MAF: variants seen among roughly 807,000 people sequenced by gnomAD.
MAF encodes MAF bZIP transcription factor.
A neutral mutation model predicts 22.0 loss-of-function variants in MAF; 10 were observed. The observed-to-expected ratio is 0.45, with a 90% CI of 0.28 to 0.77. The LOEUF is 0.77. Among genes scored for constraint, MAF ranks in the 30% least tolerant of loss-of-function variants. The probability of loss-of-function intolerance (pLI) is 0.12; values close to 1 mark genes in which losing one functional copy is unlikely to be tolerated. For synonymous variants in MAF, 337 were observed against 255.8 expected, an observed-to-expected ratio of 1.32 and a Z score of -3.03; for missense variants, 544 against 548.4, an observed-to-expected ratio of 0.99 and a Z score of 0.08.
At chr16:79,301,297 T>A in the MAF span, among the ~76,000 whole-genome samples, 5 of 152,170 alleles carry the variant, frequency 3.3e-5, no homozygotes, top group African/African-American at 1.2e-4. Context: ...AGACCCTGGG[T>A]GAGGCCACTC....
the MAF span, among the ~76,000 whole-genome samples, chr16:79,450,204 G>A: frequency 4.7e-4 from 72 of 152,222 alleles, no homozygotes; most frequent in African/African-American, 1.6e-3. Flanking sequence ...AAATAAACCC[G>A]CTTGCATTCT....
chr16:79,240,284 A>G, the MAF span, among the ~76,000 whole-genome samples: 39 of 151,632 alleles, frequency 2.6e-4, 1 homozygote, highest in African/African-American at 7.2e-4. Flanking sequence ...TTGGTTACAC[A>G]TGTTCTGTTT....
At chr16:79,284,693 T>C in the MAF span, among the ~76,000 whole-genome samples, 1 of 152,228 alleles carries the variant, frequency 6.6e-6, no homozygotes, top group African/African-American at 2.4e-5. Context: ...GCAGGGCTGG[T>C]GTCACAGGAA....
the MAF span, chr16:79,505,795 G>A: frequency 2.0e-5 from 3 of 152,290 alleles, no homozygotes; most frequent in Non-Finnish European, 4.4e-5. Context: ...GAGGCCATGG[G>A]GATAGGGAGC....
chr16:79,483,707 C>T, the MAF span, among the ~76,000 whole-genome samples: 1 of 152,120 alleles, frequency 6.6e-6, no homozygotes, highest in African/African-American at 2.4e-5. Flanking sequence ...AATCATGTAG[C>T]TCACAGGGCT....
At chr16:79,371,501 T>C in the MAF span, among the ~76,000 whole-genome samples, 2 of 152,232 alleles carry the variant, frequency 1.3e-5, no homozygotes, top group Non-Finnish European at 2.9e-5. Flanking sequence ...CTAGGCCCTC[T>C]TGACCCATCC....
At chr16:79,488,058 A>G in the MAF span, among the ~76,000 whole-genome samples, 2 of 152,192 alleles carry the variant, frequency 1.3e-5, no homozygotes, top group African/African-American at 4.8e-5. Flanking sequence ...CGAAAAGTAG[A>G]AGTCTCAAGA....
the MAF span, among the ~76,000 whole-genome samples, chr16:79,291,845 C>T: frequency 6.7e-6 from 1 of 149,206 alleles, no homozygotes; most frequent in African/African-American, 2.5e-5. Flanking sequence ...TCCCAGCCCT[C>T]ACAGGGTATC....
At chr16:79,426,956 C>T in the MAF span, among the ~76,000 whole-genome samples, 2 of 152,236 alleles carry the variant, frequency 1.3e-5, no homozygotes, top group South Asian at 2.1e-4. Context: ...TGAATCAAAC[C>T]GCACCTGAAG....
the MAF span, among the ~76,000 whole-genome samples, chr16:79,575,777 A>G: frequency 6.6e-6 from 1 of 152,216 alleles, no homozygotes; most frequent in Non-Finnish European, 1.5e-5. Flanking sequence ...CTTCATACCT[A>G]TAACAAAGGA....
At chr16:79,392,496 GGA>G in the MAF span, among the ~76,000 whole-genome samples, 38 of 148,234 alleles carry the variant, frequency 2.6e-4, no homozygotes, top group African/African-American at 5.5e-4. Context: ...AGAGATAGGA[GGA>G]GAGAGAGAGA....
chr16:79,295,898 G>T, the MAF span, among the ~76,000 whole-genome samples: 1 of 152,214 alleles, frequency 6.6e-6, no homozygotes, highest in Non-Finnish European at 1.5e-5. Flanking sequence ...TTTAGGACAA[G>T]AATCAGCAAT....
At chr16:79,522,064 C>T in the MAF span, among the ~76,000 whole-genome samples, 5 of 152,094 alleles carry the variant, frequency 3.3e-5, no homozygotes, top group Admixed American at 6.6e-5. Flanking sequence ...AGCACACAGG[C>T]GGAGAATCTG....
At chr16:79,389,209 A>T in the MAF span, among the ~76,000 whole-genome samples, 1 of 152,248 alleles carries the variant, frequency 6.6e-6, no homozygotes, top group East Asian at 1.9e-4. Context: ...CACTGTGGGG[A>T]TGGGAAAGTC....
the MAF span, chr16:79,205,446 T>C: frequency 1.3e-5 from 2 of 152,184 alleles, no homozygotes; most frequent in East Asian, 1.9e-4. Flanking sequence ...TCTAAACACA[T>C]TGTCCACGTC....
the MAF span, among the ~76,000 whole-genome samples, chr16:79,574,629 G>A: frequency 2.6e-5 from 4 of 152,112 alleles, no homozygotes; most frequent in Admixed American, 2.6e-4. Flanking sequence ...AGAAGAGTGA[G>A]ACTCAGCAGG....
At chr16:79,562,471 C>T in the MAF span, among the ~76,000 whole-genome samples, 1 of 151,962 alleles carries the variant, frequency 6.6e-6, no homozygotes, top group Admixed American at 6.5e-5. Flanking sequence ...TAGTTATTAC[C>T]CTTGGGAAAA....
the MAF span, among the ~76,000 whole-genome samples, chr16:79,299,933 C>G: frequency 2.6e-5 from 4 of 152,350 alleles, no homozygotes; most frequent in African/African-American, 9.6e-5. Context: ...ACAGGGCTTT[C>G]TGACCCATTG....
the MAF span, among the ~76,000 whole-genome samples, chr16:79,394,365 C>T: frequency 3.7e-4 from 56 of 152,232 alleles, no homozygotes; most frequent in South Asian, 2.5e-3. Context: ...TGATTTCTGC[C>T]GGGAGGCTCT....
Sources: gnomAD v4.1 joint callset for allele counts (sites outside exome capture counted in the v4.1 genomes callset) on GRCh38, gnomAD v4.1.1 for gene constraint, MANE v1.5 for transcripts, NCBI Gene and HGNC (gene_info 2026-07-23, HGNC 2026-07-21) for gene names.